KLHL32: variants seen among roughly 807,000 people sequenced by gnomAD.
The protein encoded by KLHL32 is kelch like family member 32.
KLHL32 carries 35 observed loss-of-function variants against 64.8 expected under a neutral mutation model. The observed-to-expected ratio is 0.54, with a 90% confidence interval of 0.41 to 0.72. The LOEUF is 0.72. Among genes scored for constraint, KLHL32 ranks in the 30% least tolerant of loss-of-function variants. The pLI, the probability that KLHL32 is intolerant of heterozygous loss-of-function variation, is 0.00. For missense variants in KLHL32, 589 were observed against 768.5 expected, an observed-to-expected ratio of 0.77 and a Z score of 2.76; for synonymous variants, 259 against 281.0, an observed-to-expected ratio of 0.92 and a Z score of 0.78.
chr6:97,045,821 G>A (rs1349808107), intron 4 of KLHL32, among the ~76,000 whole-genome samples: 1 of 152,190 alleles, frequency 6.6e-6, no homozygotes, highest in East Asian at 1.9e-4. Flanking sequence ...CTGACTTTTT[G>A]AAGGTGAAGA....
intron 7 of KLHL32, among the ~76,000 whole-genome samples, chr6:97,121,339 A>C (rs1004853767): frequency 6.6e-6 from 1 of 152,244 alleles, no homozygotes; most frequent in Admixed American, 6.5e-5. Flanking sequence ...TCCAAATGGC[A>C]TAAAACTGAA....
intron 1 of KLHL32, among the ~76,000 whole-genome samples, chr6:96,941,927 G>C (rs963895524): frequency 6.6e-6 from 1 of 152,168 alleles, no homozygotes; most frequent in Non-Finnish European, 1.5e-5. Flanking sequence ...TCAAATAAAT[G>C]GTCCAGATCC....
intron 6 of KLHL32, among the ~76,000 whole-genome samples, chr6:97,111,059 G>A (rs2128207479): frequency 6.6e-6 from 1 of 151,730 alleles, no homozygotes; most frequent in Non-Finnish European, 1.5e-5. Flanking sequence ...CCAACCACCT[G>A]TTACATCTGG....
At chr6:97,006,916 T>G (rs570198171) in intron 3 of KLHL32, among the ~76,000 whole-genome samples, 220 of 152,308 alleles carry the variant, frequency 1.4e-3, no homozygotes, top group Non-Finnish European at 2.8e-3. Flanking sequence ...CTAGATGCTT[T>G]TAAGAGTTTT....
chr6:97,004,983 A>G (rs138615324), intron 3 of KLHL32, among the ~76,000 whole-genome samples: 1 of 151,812 alleles, frequency 6.6e-6, no homozygotes, highest in East Asian at 1.9e-4. Context: ...TATCAGGATG[A>G]TGCTGCTCTC....
chr6:97,044,948 T>A (rs1785698073), intron 4 of KLHL32, among the ~76,000 whole-genome samples: 1 of 152,136 alleles, frequency 6.6e-6, no homozygotes, highest in African/African-American at 2.4e-5. Context: ...TCTTTTCAAA[T>A]AATGAAGTTT....
At chr6:97,007,041 G>T (rs1282027451) in intron 3 of KLHL32, among the ~76,000 whole-genome samples, 1 of 152,082 alleles carries the variant, frequency 6.6e-6, no homozygotes. Flanking sequence ...GGCCTCTTTA[G>T]CAAGGTTGGG....
intron 1 of KLHL32, among the ~76,000 whole-genome samples, chr6:96,948,164 T>G (rs1772140725): frequency 6.6e-6 from 1 of 152,202 alleles, no homozygotes; most frequent in African/African-American, 2.4e-5. Context: ...AGTCTAGCTA[T>G]TCCGTGTTAC....
chr6:96,903,906 T>C, the KLHL32 span, among the ~76,000 whole-genome samples: 2 of 152,186 alleles, frequency 1.3e-5, no homozygotes, highest in Non-Finnish European at 2.9e-5. Flanking sequence ...ATTATAAATG[T>C]TATGTTATTT....
At position 97,103,395 on chromosome 6, in the gene KLHL32, G is replaced by A. The variant is rs568877332; in HGVS notation, c.628-10388G>A. On this transcript the variant is annotated intron_variant, in intron 6 of 10. Coordinates refer to ENST00000369261, the MANE Select transcript of KLHL32 (RefSeq NM_052904.4). Reference sequence around the variant, plus strand: ...CACCTGGGTAATTTTTTGTATTTTTGGTAGAGATGGGGTTTCACCATGTTA... The same window carrying A: ...CACCTGGGTAATTTTTTGTATTTTTAGTAGAGATGGGGTTTCACCATGTTA... Among the ~76,000 whole-genome samples the A allele has an allele frequency of 1.3e-3, 198 of 151,690 alleles. 1 individual carries two copies. The South Asian group carries it at 0.025, about 19-fold the overall frequency.
At chr6:96,992,408 A>G (rs1777988518) in intron 3 of KLHL32, among the ~76,000 whole-genome samples, 1 of 152,202 alleles carries the variant, frequency 6.6e-6, no homozygotes, top group Non-Finnish European at 1.5e-5. Context: ...TTCCTTGATG[A>G]AAGTGTCCAC....
intron 4 of KLHL32, among the ~76,000 whole-genome samples, chr6:97,049,447 T>G (rs1786480222): frequency 6.6e-6 from 1 of 152,104 alleles, no homozygotes; most frequent in East Asian, 1.9e-4. Flanking sequence ...TGGTGGGAGA[T>G]TGCATCATGC....
At chr6:97,084,451 C>T (rs1793081423) in intron 5 of KLHL32, among the ~76,000 whole-genome samples, 1 of 152,034 alleles carries the variant, frequency 6.6e-6, no homozygotes, top group African/African-American at 2.4e-5. Context: ...TGCAGAAACT[C>T]TTCAAAAAGG....
rs1286517915 is a variant in KLHL32, at chr6:97,028,926, A to G, written c.205-12566A>G. On this transcript the variant is annotated intron_variant, in intron 3 of 10. Transcript: ENST00000369261. Reference sequence around the variant, plus strand: ...CGTTCAGGGGATACAATTAGAAAGTAACAGAACTACCAGAGGAATAAGGAG... The same window carrying G: ...CGTTCAGGGGATACAATTAGAAAGTGACAGAACTACCAGAGGAATAAGGAG... Among the ~76,000 whole-genome samples, 8 of 152,360 alleles carry G rather than the reference A, an allele frequency of 5.3e-5. 1 individual carries two copies. In the East Asian group the frequency reaches 1.5e-3, roughly 29 times the overall value.
chr6:97,054,841 A>G (rs1787539997), intron 4 of KLHL32, among the ~76,000 whole-genome samples: 2 of 152,178 alleles, frequency 1.3e-5, no homozygotes, highest in South Asian at 4.1e-4. Context: ...CGGGAGGTTG[A>G]GGTGGAAGAA....
chr6:96,920,313 CT>C (rs1263702000), upstream of KLHL32, among the ~76,000 whole-genome samples: 1 of 152,230 alleles, frequency 6.6e-6, no homozygotes, highest in Non-Finnish European at 1.5e-5. Context: ...ACCTATACAA[CT>C]GTTAGTTTTC....
rs1384030296 is a variant in KLHL32 at position 97,114,420 on chromosome 6, A to G, written c.1265A>G (p.Lys422Arg). ...CCTACAGTTGAGCGATATTGCCCCA[A>G]GAAGAACAAATGGACTTTTGTTCAG... ...VLPTVERYCP[K>R]KNKWTFVQSF... is the part of the protein sequence containing the mutation. The change falls in exon 7 of 11, where the codon AAG becomes AGG. Residue 422 changes from lysine to arginine, a missense_variant. Lys to Arg is a conservative substitution (Grantham distance 26). Transcript: ENST00000369261. The G allele has an allele frequency of 1.9e-6, 3 of 1,614,150 alleles. No homozygotes were observed. The highest frequency in any genetic ancestry group is 4.5e-5 in the East Asian group (2 of 44,902).
chr6:96,970,878 T>A (rs1397484565), intron 2 of KLHL32, among the ~76,000 whole-genome samples: 1 of 152,194 alleles, frequency 6.6e-6, no homozygotes, highest in Non-Finnish European at 1.5e-5. Flanking sequence ...TCTTTTAATA[T>A]CCTGCTACCT....
Position 97,114,271 on chromosome 6 carries a change from C to T in KLHL32, c.1116C>T (p.Asp372=), listed in dbSNP as rs1385293033. 2 of 1,614,146 alleles carry T rather than the reference C, an allele frequency of 1.2e-6. No homozygotes were observed. The highest frequency in any genetic ancestry group is 1.7e-6 in the Non-Finnish European group (2 of 1,180,026). The change falls in exon 7 of 11, where the codon GAC becomes GAT. Residue 372 remains aspartate, a synonymous_variant. Coordinates refer to ENST00000369261, the MANE Select transcript of KLHL32 (RefSeq NM_052904.4). ...CTGTGAGGACTGCCTGTCGCTATGA[C>T]CCCCGCAGTAATTCCTGGGCAGAGA... ...TCAVRTACRY[D]PRSNSWAEIA...
Sources: gnomAD v4.1 joint callset for allele counts (sites outside exome capture counted in the v4.1 genomes callset) on GRCh38, gnomAD v4.1.1 for gene constraint, MANE v1.5 for transcripts, NCBI Gene and HGNC (gene_info 2026-07-23, HGNC 2026-07-21) for gene names.